UNC13C: variants seen among roughly 807,000 people sequenced by gnomAD.
The protein encoded by UNC13C is unc-13 homolog C.
A neutral mutation model predicts 245.4 loss-of-function variants in UNC13C; 174 were observed. The observed-to-expected ratio is 0.71, with a 90% CI of 0.63 to 0.80. UNC13C has a LOEUF of 0.80. UNC13C is among the 30% of genes least tolerant of loss of function. The pLI, the probability that UNC13C is intolerant of heterozygous loss-of-function variation, is 0.00. For missense variants in UNC13C, 2,829 were observed against 2,602.9 expected, an observed-to-expected ratio of 1.09 and a Z score of -1.89; for synonymous variants, 992 against 895.1, an observed-to-expected ratio of 1.11 and a Z score of -1.93.
At chr15:54,454,688 T>C (rs1228608100) in intron 19 of UNC13C, among the ~76,000 whole-genome samples, 1 of 152,128 alleles carries the variant, frequency 6.6e-6, no homozygotes, top group Non-Finnish European at 1.5e-5. Context: ...GGTGGAATCA[T>C]ACAATTTGTG....
chr15:54,025,524 A>C (rs1896073657), intron 2 of UNC13C, among the ~76,000 whole-genome samples: 1 of 152,252 alleles, frequency 6.6e-6, no homozygotes, highest in Non-Finnish European at 1.5e-5. Context: ...AGGAGGGGGA[A>C]GAAAACCCAG....
the UNC13C span, chr15:53,914,568 G>C: frequency 6.6e-6 from 1 of 152,670 alleles, no homozygotes; most frequent in Non-Finnish European, 1.5e-5. Flanking sequence ...GGCCAAGGGA[G>C]AGCAGGCCAT....
At chr15:54,305,025 A>G (rs2037690126) in intron 13 of UNC13C, among the ~76,000 whole-genome samples, 1 of 152,082 alleles carries the variant, frequency 6.6e-6, no homozygotes, top group Non-Finnish European at 1.5e-5. Context: ...AACAGCATAG[A>G]GGTGCACTTC....
chr15:54,296,638 A>G (rs6493675), intron 11 of UNC13C, among the ~76,000 whole-genome samples: 12,301 of 152,210 alleles, frequency 0.081, 1,120 homozygotes, highest in East Asian at 0.21. Context: ...TTAAAGAATA[A>G]CAGTGAAAAG....
the UNC13C span, among the ~76,000 whole-genome samples, chr15:53,903,723 G>A: frequency 6.6e-6 from 1 of 152,110 alleles, no homozygotes; most frequent in Non-Finnish European, 1.5e-5. Flanking sequence ...GTATCTTCTC[G>A]GAAAATTGGA....
intron 2 of UNC13C, chr15:54,049,248 A>G: frequency 1.9e-6 from 1 of 516,434 alleles, no homozygotes. Flanking sequence ...TCAGAGACAC[A>G]GTCTGTGCAT....
At chr15:54,460,493 T>G (rs1891775510) in intron 19 of UNC13C, among the ~76,000 whole-genome samples, 1 of 152,136 alleles carries the variant, frequency 6.6e-6, no homozygotes, top group Non-Finnish European at 1.5e-5. Context: ...CTGTTATGAG[T>G]GGCTGTAATG....
At chr15:53,852,200 G>A in the UNC13C span, among the ~76,000 whole-genome samples, 1 of 152,170 alleles carries the variant, frequency 6.6e-6, no homozygotes. Context: ...AAACCCAGTT[G>A]GGGTCTGACG....
chr15:54,046,385 C>T (rs1382441343), intron 2 of UNC13C, among the ~76,000 whole-genome samples: 1 of 152,128 alleles, frequency 6.6e-6, no homozygotes, highest in African/African-American at 2.4e-5. Flanking sequence ...TTTCCAGAGT[C>T]TCATCAACAA....
In UNC13C at chr15:54,398,787, A is replaced by G. The variant is rs181712406; in HGVS notation, c.4847+5606A>G. 2.6e-3 allele frequency among the ~76,000 whole-genome samples: 387 copies of G among 151,402 alleles called. 1 individual carries two copies. The highest frequency in any genetic ancestry group is 9.0e-3 in the African/African-American group (374 of 41,468). On this transcript the variant is annotated intron_variant, in intron 18 of 32. Transcript: ENST00000260323. ...AGTCTGTTATTATTTTTTTATGTCTATTAAATCTGAACTGATTTTTCCTCT... is the reference window on the plus strand; with the variant it reads ...AGTCTGTTATTATTTTTTTATGTCTGTTAAATCTGAACTGATTTTTCCTCT...
At chr15:54,306,968 A>G (rs1333119459) in intron 13 of UNC13C, among the ~76,000 whole-genome samples, 1 of 152,010 alleles carries the variant, frequency 6.6e-6, no homozygotes, top group African/African-American at 2.4e-5. Flanking sequence ...TTTGTTTAAG[A>G]AATATTTACT....
intron 29 of UNC13C, among the ~76,000 whole-genome samples, chr15:54,567,529 C>T (rs1182656295): frequency 6.6e-6 from 1 of 152,190 alleles, no homozygotes; most frequent in Non-Finnish European, 1.5e-5. Context: ...GCTACATCAG[C>T]ATGATCTCAT....
At chr15:54,236,941 A>G (rs1250447057) in intron 6 of UNC13C, among the ~76,000 whole-genome samples, 1 of 152,170 alleles carries the variant, frequency 6.6e-6, no homozygotes, top group Admixed American at 6.5e-5. Flanking sequence ...AACGTTCTCC[A>G]TAGCACTGCT....
chr15:54,630,359 T>G (rs1357150487), downstream of UNC13C: 1 of 152,180 alleles, frequency 6.6e-6, no homozygotes, highest in Non-Finnish European at 1.5e-5. Flanking sequence ...TAAATGACAA[T>G]TCTAACTTAA....
chr15:54,561,290 G>GATC (rs1230008974), intron 29 of UNC13C, among the ~76,000 whole-genome samples: 1 of 151,886 alleles, frequency 6.6e-6, no homozygotes, highest in Non-Finnish European at 1.5e-5. Context: ...ATGAAATAAT[G>GATC]ATACATGTTA....
intron 2 of UNC13C, among the ~76,000 whole-genome samples, chr15:54,069,229 G>T (rs1231261642): frequency 6.6e-6 from 1 of 152,134 alleles, no homozygotes; most frequent in Non-Finnish European, 1.5e-5. Context: ...GCAGCTCCAA[G>T]ATGACCTTTG....
At chr15:54,321,793 T>C in intron 13 of UNC13C, 146 bp from the exon 14 acceptor site, 1 of 850,734 alleles carries the variant, frequency 1.2e-6, no homozygotes, top group Non-Finnish European at 1.7e-6. Flanking sequence ...AGGCCAAAAT[T>C]GTTTTTCTTT....
intron 31 of UNC13C, 137 bp downstream of exon 31, chr15:54,622,556 C>T (rs1007525725): frequency 1.6e-6 from 1 of 610,042 alleles, no homozygotes; most frequent in Non-Finnish European, 2.8e-6. Context: ...CCTAATGAAA[C>T]CCAAACTTTT....
At position 54,099,820 on chromosome 15, in the gene UNC13C, C is replaced by A. The variant is rs1187523075; in HGVS notation, c.2984-43198C>A. ...ACATTTAAAAAAATACTTGGCTGGG[C>A]ACAGTGGCTCATGCCTGTAATCCCA... On this transcript the variant is annotated intron_variant, in intron 2 of 32. Transcript: ENST00000260323. 4.6e-5 allele frequency among the ~76,000 whole-genome samples: 7 copies of A among 152,180 alleles called. No individual in the cohort carries two copies. In the East Asian group the frequency reaches 1.4e-3, roughly 30 times the overall value.
Sources: gnomAD v4.1 joint callset for allele counts (sites outside exome capture counted in the v4.1 genomes callset) on GRCh38, gnomAD v4.1.1 for gene constraint, MANE v1.5 for transcripts, NCBI Gene and HGNC (gene_info 2026-07-23, HGNC 2026-07-21) for gene names.